Variants in POPDC3 observed in about 807,000 individuals in gnomAD.
The protein encoded by POPDC3 is popeye domain cAMP effector 3, also known as popeye domain-containing protein 3.
A neutral mutation model predicts 28.2 loss-of-function variants in POPDC3; 20 were observed. The ratio of observed to expected loss-of-function variants is 0.71; its 90% CI spans 0.50 to 1.03. The LOEUF (loss-of-function observed/expected upper bound fraction) is 1.03, where lower values mean the gene tolerates loss of function less well. Ranked by LOEUF, POPDC3 falls within the 50% of genes least tolerant of loss-of-function variation. The probability of loss-of-function intolerance (pLI) is 0.00; values close to 1 mark genes in which losing one functional copy is unlikely to be tolerated. For synonymous variants in POPDC3, 118 were observed against 124.1 expected, an observed-to-expected ratio of 0.95 and a Z score of 0.33; for missense variants, 316 against 345.9, an observed-to-expected ratio of 0.91 and a Z score of 0.69.
chr6:105,158,494 A>G lies in POPDC3; in HGVS notation c.852T>C (p.Asn284=), dbSNP rs1259341702. 2 of 1,612,790 alleles carry G rather than the reference A, an allele frequency of 1.2e-6. No individual in the cohort carries two copies. Among genetic ancestry groups the G allele is most frequent in the Non-Finnish European group, 1.7e-6 (2 of 1,179,090 alleles). The stretch of plus-strand genomic sequence containing the variant: ...GTCATTTATCACAGTATCGTCTGGA[A>G]TTCTGAAAATGTTGTGTCAGGGGTG... The part of the protein sequence containing the change: ...RRSPLTQHFQ[N]SRRYCDK The change falls in exon 4 of 4, where the codon AAT becomes AAC. Residue 284 remains asparagine (N), a synonymous_variant. Transcript: ENST00000254765.
intron 1 of POPDC3, among the ~76,000 whole-genome samples, chr6:105,167,112 T>TA (rs946508650): frequency 1.1e-4 from 16 of 146,010 alleles, no homozygotes; most frequent in Middle Eastern, 3.5e-3. Context: ...GATGTTGAAT[T>TA]AAAAAAAAAA....
In POPDC3 at chr6:105,170,637, C is replaced by T. The variant is rs60791258; in HGVS notation, c.-251-8477G>A. Among the ~76,000 whole-genome samples the T allele has an allele frequency of 1.2e-3, 182 of 152,280 alleles. 4 individuals carry two copies. In the East Asian group the frequency reaches 0.028, roughly 23 times the overall value. ...AACATGACACTTAATAGCACTTCTA[C>T]GCCACTTTAATCAACTAGAGTCAAT... On this transcript the variant is annotated intron_variant, in intron 1 of 3. Coordinates refer to ENST00000254765, the MANE Select transcript of POPDC3 (RefSeq NM_022361.5).
chr6:105,175,191 T>C (rs1027066153), intron 1 of POPDC3, among the ~76,000 whole-genome samples: 1 of 151,518 alleles, frequency 6.6e-6, no homozygotes, highest in Non-Finnish European at 1.5e-5. Context: ...GTATCTGAAA[T>C]GAAGTTTACA....
chr6:105,179,488 A>T (rs9500053), intron 1 of POPDC3, among the ~76,000 whole-genome samples: 6,045 of 152,182 alleles, frequency 0.04, 409 homozygotes, highest in African/African-American at 0.14. Context: ...GACCTGCAGG[A>T]AAAGATCTGG....
Position 105,162,104 on chromosome 6 carries a change from C to CT in POPDC3, c.-196dup. 6.8e-6 allele frequency: 9 copies of CT among 1,315,796 alleles called. No individual in the cohort carries two copies. Among genetic ancestry groups the CT allele is most frequent in the Non-Finnish European group, 8.7e-6 (9 of 1,038,636 alleles). 81.5% of individuals were successfully genotyped at this position (1,315,796 alleles called of 1,614,324 possible). A position where few individuals can be genotyped will look rare whatever the true frequency, so the allele number is the denominator to read the frequency against. On this transcript the variant is annotated 5_prime_UTR_variant, in exon 2 of 4. The change abolishes the stop of an existing upstream ORF in the 5' untranslated region. Transcript: ENST00000254765. ...AAAACTAAGAATCCCATGCTCGCTT[C>CT]TTTAAGTTCATCTGGGCTCCTGATT...
At chr6:105,165,017 C>T (rs181951223) in intron 1 of POPDC3, among the ~76,000 whole-genome samples, 23 of 152,278 alleles carry the variant, frequency 1.5e-4, no homozygotes, top group African/African-American at 5.1e-4. Context: ...CTCATTGCCA[C>T]GAGGGAGGCA....
intron 1 of POPDC3, among the ~76,000 whole-genome samples, chr6:105,173,272 CAG>C (rs1420860751): frequency 1.3e-5 from 2 of 152,142 alleles, no homozygotes; most frequent in Non-Finnish European, 1.5e-5. Context: ...AAATTCCAAA[CAG>C]AATGTTTTAA....
At position 105,179,811 on chromosome 6, in the gene POPDC3, GCCCCCGGGCTCA is replaced by G. The variant is rs1774751632; in HGVS notation, c.-252+10_-252+21del. On this transcript the variant is annotated intron_variant, in intron 1 of 3. Transcript: ENST00000254765. ...AGCACCGGAAGGCGGCGGACGCAGC[GCCCCCGGGCTCA>G]CCTTCTTACCTTTCCTTCCCAGCCC... The G allele has an allele frequency of 6.6e-6, 1 of 152,140 alleles. No homozygotes were observed. The highest frequency in any genetic ancestry group is 1.5e-5 in the Non-Finnish European group (1 of 68,058). The allele number at this position is 152,140 out of a possible 1,614,324, so 9.4% of individuals were successfully genotyped here.
At chr6:105,168,421 T>A (rs913399340) in intron 1 of POPDC3, among the ~76,000 whole-genome samples, 4 of 152,138 alleles carry the variant, frequency 2.6e-5, no homozygotes, top group African/African-American at 9.7e-5. Flanking sequence ...GATCTTGGAG[T>A]CTCCTTGAGA....
Position 105,160,314 on chromosome 6 carries a change from C to T in POPDC3, c.486-495G>A, listed in dbSNP as rs147384534. ...GCAACCTCCTCCTCCCAGGTTCAAG[C>T]GATTCTTGTGCCTCAGCCTCCTGAG... On this transcript the variant is annotated intron_variant, in intron 2 of 3. Transcript: ENST00000254765. Among the ~76,000 whole-genome samples, 253 of 152,236 alleles carry T rather than the reference C, an allele frequency of 1.7e-3. 2 individuals carry two copies. Among genetic ancestry groups the T allele is most frequent in the African/African-American group, 5.9e-3 (246 of 41,550 alleles).
intron 1 of POPDC3, chr6:105,166,758 T>C: frequency 4.7e-6 from 2 of 426,466 alleles, no homozygotes; most frequent in East Asian, 7.2e-5. Flanking sequence ...CCATCATAGA[T>C]TGTGTCATAC....
At chr6:105,176,946 G>C (rs1190271) in intron 1 of POPDC3, 110,721 of 162,264 alleles carry the variant, frequency 0.68, 43,883 homozygotes, top group East Asian at 0.88. Context: ...TAGTGGGATA[G>C]AAACTATTTT....
rs1160484587 is a variant in POPDC3 at position 105,161,952 on chromosome 6, G to A, written c.-43C>T. On this transcript the variant is annotated 5_prime_UTR_variant, in exon 2 of 4. Transcript: ENST00000254765. ...CTTCACTTTTCAGTTGACTTTAGATGACACTGAAACAGGTAACTAAGTCCT... is the reference window on the plus strand; with the variant it reads ...CTTCACTTTTCAGTTGACTTTAGATAACACTGAAACAGGTAACTAAGTCCT... The A allele has an allele frequency of 6.5e-7, 1 of 1,545,514 alleles. No homozygotes were observed. The highest frequency in any genetic ancestry group is 2.2e-5 in the East Asian group (1 of 44,472).
intron 1 of POPDC3, among the ~76,000 whole-genome samples, chr6:105,177,649 A>G (rs910274638): frequency 2.0e-5 from 3 of 152,152 alleles, no homozygotes; most frequent in African/African-American, 7.2e-5. Flanking sequence ...CCTACATACT[A>G]TTGTCAGCAT....
intron 1 of POPDC3, among the ~76,000 whole-genome samples, chr6:105,167,900 C>G (rs996660830): frequency 2.6e-5 from 4 of 152,092 alleles, no homozygotes; most frequent in African/African-American, 9.7e-5. Context: ...GTTTATGTGG[C>G]TTGCATTATA....
chr6:105,173,397 A>G (rs887315171), intron 1 of POPDC3, among the ~76,000 whole-genome samples: 1 of 152,228 alleles, frequency 6.6e-6, no homozygotes, highest in African/African-American at 2.4e-5. Context: ...TTATAATGTA[A>G]CATGTGTTTG....
At position 105,161,325 on chromosome 6, in the gene POPDC3, C is replaced by T. The variant is rs78510188; in HGVS notation, c.485+100G>A. On this transcript the variant is annotated intron_variant, in intron 2 of 3. Coordinates refer to ENST00000254765, the MANE Select transcript of POPDC3 (RefSeq NM_022361.5). ...TCCTCAAGCCTCAGGGTGCTAAATGCCACCCAGGACTATGTGATACTGAGA... is the reference window on the plus strand; with the variant it reads ...TCCTCAAGCCTCAGGGTGCTAAATGTCACCCAGGACTATGTGATACTGAGA... 5.0e-3 allele frequency: 6,865 copies of T among 1,363,476 alleles called. 187 individuals are homozygous for T. In the African/African-American group the frequency reaches 0.065, roughly 13 times the overall value. 84.5% of individuals were successfully genotyped at this position (1,363,476 alleles called of 1,614,324 possible). A position where few individuals can be genotyped will look rare whatever the true frequency, so the allele number is the denominator to read the frequency against.
chr6:105,162,217 G>T (rs1433686410), intron 1 of POPDC3, 57 bp from the exon 2 acceptor site: 1 of 1,018,150 alleles, frequency 9.8e-7, no homozygotes, highest in Non-Finnish European at 1.2e-6. Context: ...GAATTGTGGG[G>T]TATATTTAAT....
At chr6:105,178,518 G>A (rs1041168904) in intron 1 of POPDC3, among the ~76,000 whole-genome samples, 2 of 151,500 alleles carry the variant, frequency 1.3e-5, no homozygotes, top group Non-Finnish European at 2.9e-5. Flanking sequence ...TGAGGACAGA[G>A]AATATCTTAG....
Sources: allele counts gnomAD v4.1 joint callset (sites outside exome capture counted in the v4.1 genomes callset), GRCh38; gene constraint gnomAD v4.1.1; transcripts MANE v1.5; gene names NCBI Gene and HGNC (gene_info 2026-07-23, HGNC 2026-07-21).